The following LDB2 variants were observed in gnomAD, a reference collection of about 807,000 sequenced individuals.
The protein encoded by LDB2 is LIM domain binding 2.
Under a neutral mutation model 44.3 loss-of-function variants are expected in LDB2, and 12 were observed. The ratio of observed to expected loss-of-function variants is 0.27; its 90% CI spans 0.17 to 0.44. LDB2 has a LOEUF of 0.44. LDB2 is among the 20% of genes least tolerant of loss of function. The probability of loss-of-function intolerance (pLI) is 1.00; values close to 1 mark genes in which losing one functional copy is unlikely to be tolerated. For synonymous variants in LDB2, 164 were observed against 174.8 expected (o/e 0.94, Z 0.49); for missense variants, 344 against 473.5 (o/e 0.73, Z 2.54).
chr4:16,707,734 C>A (rs550141299), intron 2 of LDB2, among the ~76,000 whole-genome samples: 46 of 151,916 alleles, frequency 3.0e-4, no homozygotes, highest in Admixed American at 5.2e-4. Context: ...GGTTTGATGG[C>A]AAATTCCAAC....
chr4:16,731,689 A>C (rs1477593166), intron 2 of LDB2, among the ~76,000 whole-genome samples: 1 of 152,204 alleles, frequency 6.6e-6, no homozygotes, highest in Non-Finnish European at 1.5e-5. Flanking sequence ...CTAGTATACG[A>C]AATTTTATTA....
intron 2 of LDB2, chr4:16,726,186 A>C (rs1759418790): frequency 6.6e-6 from 1 of 152,146 alleles, no homozygotes; most frequent in African/African-American, 2.4e-5. Flanking sequence ...ACCTAAAAAC[A>C]TGTCACATGC....
chr4:16,526,848 C>T (rs13127174), intron 5 of LDB2, among the ~76,000 whole-genome samples: 17,000 of 152,134 alleles, frequency 0.11, 1,053 homozygotes, highest in East Asian at 0.24. Flanking sequence ...TCTGATCTAC[C>T]GCAAGATCAA....
chr4:16,612,626 G>T (rs1264358452), intron 2 of LDB2, among the ~76,000 whole-genome samples: 1 of 152,008 alleles, frequency 6.6e-6, no homozygotes, highest in African/African-American at 2.4e-5. Flanking sequence ...ATTCCTGGAT[G>T]CATACACCCT....
intron 2 of LDB2, among the ~76,000 whole-genome samples, chr4:16,675,334 T>A (rs899087080): frequency 9.2e-5 from 14 of 152,210 alleles, no homozygotes; most frequent in Admixed American, 9.2e-4. Context: ...GCACTTATTT[T>A]ATGGCATGAT....
At chr4:16,863,523 C>A (rs186054725) in intron 1 of LDB2, among the ~76,000 whole-genome samples, 2 of 152,314 alleles carry the variant, frequency 1.3e-5, no homozygotes, top group African/African-American at 2.4e-5. Flanking sequence ...TTGACAGTTA[C>A]ACCCTGCTAC....
At chr4:16,764,542 C>A (rs964065215) in intron 1 of LDB2, among the ~76,000 whole-genome samples, 35 of 150,124 alleles carry the variant, frequency 2.3e-4, no homozygotes, top group Admixed American at 2.0e-3. Context: ...AAAAAAAAAT[C>A]ATTCCCTCCA....
At chr4:16,642,850 C>T (rs1229533583) in intron 2 of LDB2, among the ~76,000 whole-genome samples, 2 of 152,216 alleles carry the variant, frequency 1.3e-5, no homozygotes, top group East Asian at 1.9e-4. Context: ...AAATCATTCA[C>T]ATCAAGATCA....
intron 5 of LDB2, among the ~76,000 whole-genome samples, chr4:16,522,826 C>T (rs994941088): frequency 2.0e-5 from 3 of 152,144 alleles, no homozygotes; most frequent in African/African-American, 7.2e-5. Flanking sequence ...TTCTAAGGCA[C>T]AGTAGTTAGA....
intron 2 of LDB2, among the ~76,000 whole-genome samples, chr4:16,722,101 A>G (rs990641066): frequency 6.6e-6 from 1 of 152,178 alleles, no homozygotes; most frequent in Non-Finnish European, 1.5e-5. Context: ...GACGGCAGGC[A>G]AATTATGGAA....
At chr4:16,618,136 A>G (rs1350088972) in intron 2 of LDB2, among the ~76,000 whole-genome samples, 1 of 152,052 alleles carries the variant, frequency 6.6e-6, no homozygotes, top group Non-Finnish European at 1.5e-5. Flanking sequence ...CATTTTTCAC[A>G]CTACAGTGAT....
chr4:16,722,762 A>C (rs1312638386), intron 2 of LDB2, among the ~76,000 whole-genome samples: 1 of 152,092 alleles, frequency 6.6e-6, no homozygotes, highest in Non-Finnish European at 1.5e-5. Flanking sequence ...GTAATCAATA[A>C]ATACTGTATT....
chr4:16,559,546 G>C (rs1309460844), intron 5 of LDB2, among the ~76,000 whole-genome samples: 1 of 152,126 alleles, frequency 6.6e-6, no homozygotes, highest in Non-Finnish European at 1.5e-5. Flanking sequence ...CCCAATACAG[G>C]AGCACCCAGA....
At chr4:16,668,390 G>A (rs1743877269) in intron 2 of LDB2, among the ~76,000 whole-genome samples, 1 of 152,148 alleles carries the variant, frequency 6.6e-6, no homozygotes. Flanking sequence ...CATAGCACAA[G>A]GTGAATCCCT....
chr4:16,660,777 G>T (rs1000890654), intron 2 of LDB2, among the ~76,000 whole-genome samples: 1 of 152,222 alleles, frequency 6.6e-6, no homozygotes, highest in East Asian at 1.9e-4. Flanking sequence ...TTCATAGTCA[G>T]TGACCCCAGT....
At chr4:16,523,078 C>G (rs1726874026) in intron 5 of LDB2, among the ~76,000 whole-genome samples, 1 of 152,142 alleles carries the variant, frequency 6.6e-6, no homozygotes, top group Non-Finnish European at 1.5e-5. Context: ...CTATATTAGT[C>G]AGGATTCTTT....
At chr4:16,740,158 G>C (rs1291548673) in intron 2 of LDB2, among the ~76,000 whole-genome samples, 1 of 152,168 alleles carries the variant, frequency 6.6e-6, no homozygotes, top group East Asian at 1.9e-4. Flanking sequence ...GACTGTGAGA[G>C]CTCCATAAAT....
intron 2 of LDB2, among the ~76,000 whole-genome samples, chr4:16,739,622 GTGTGTGTATATATGTATA>G (rs1762646500): frequency 4.5e-5 from 2 of 44,122 alleles, no homozygotes; most frequent in African/African-American, 2.3e-4. Context: ...ATATATACAT[GTGTGTGTATATATGTATA>G]TATACATATG....
At chr4:16,596,896 G>A (rs1326577997) in intron 2 of LDB2, among the ~76,000 whole-genome samples, 1 of 152,078 alleles carries the variant, frequency 6.6e-6, no homozygotes, top group African/African-American at 2.4e-5. Flanking sequence ...CAGGAATTTT[G>A]CCTATGTGCA....
Sources: gnomAD v4.1 joint callset for allele counts (sites outside exome capture counted in the v4.1 genomes callset) on GRCh38, gnomAD v4.1.1 for gene constraint, MANE v1.5 for transcripts, NCBI Gene and HGNC (gene_info 2026-07-23, HGNC 2026-07-21) for gene names.